The following RNF20 variants were observed in gnomAD, a reference collection of about 807,000 sequenced individuals.
RNF20 encodes E3 ubiquitin-protein ligase BRE1A.
Under a neutral mutation model 126.2 loss-of-function variants are expected in RNF20, and 84 were observed. That is an observed-to-expected ratio of 0.67 (90% CI 0.56 to 0.80). The LOEUF is 0.80. RNF20 is among the 30% of genes least tolerant of loss of function. RNF20 has a pLI of 0.00. For synonymous variants in RNF20, 400 were observed against 414.3 expected (o/e 0.97, Z 0.42); for missense variants, 869 against 1,188.2 (o/e 0.73, Z 3.95).
At chr9:101,550,866 ATC>A in intron 10 of RNF20, 81 bp downstream of exon 10, 1 of 1,205,284 alleles carries the variant, frequency 8.3e-7, no homozygotes, top group South Asian at 1.2e-5. Context: ...TGTGCAATTA[ATC>A]TCTCATTCAT....
Position 101,547,123 on chromosome 9 carries a change from T to C in RNF20, c.895-14T>C, listed in dbSNP as rs767225875. The C allele has an allele frequency of 2.5e-6, 4 of 1,613,272 alleles. No homozygotes were observed. The highest frequency in any genetic ancestry group is 2.2e-5 in the East Asian group (1 of 44,880). ...TAAGAGTCTCTCACTAAAGAATCTT[T>C]GTGTTCTCTGTAGGTGAATTCCAAA... On this transcript the variant is annotated splice_polypyrimidine_tract_variant and intron_variant, in intron 7 of 19. Transcript: ENST00000389120.
At position 101,561,081 on chromosome 9, in the gene RNF20, C is replaced by A. The variant is rs1163969936; in HGVS notation, c.2509-9C>A. On this transcript the variant is annotated splice_polypyrimidine_tract_variant and intron_variant, in intron 17 of 19. Transcript: ENST00000389120. ...ACAATGGTGTCACTTATTTGTACAT[C>A]CTACATAGGCAATGGAGGCAGCCCA... The A allele has an allele frequency of 6.2e-7, 1 of 1,612,956 alleles. No individual in the cohort carries two copies.
At chr9:101,551,874 A>G (rs1827452177) in intron 11 of RNF20, 55 bp downstream of exon 11, 1 of 1,544,730 alleles carries the variant, frequency 6.5e-7, no homozygotes. Flanking sequence ...TCCTTGAAAG[A>G]TACAACACAG....
At chr9:101,540,089 G>C (rs922383262) in intron 2 of RNF20, 114 bp from the exon 3 acceptor site, 12 of 1,020,522 alleles carry the variant, frequency 1.2e-5, no homozygotes, top group African/African-American at 1.6e-5. Flanking sequence ...TTTTTTAAAA[G>C]TCAATAGCTT....
intron 19 of RNF20, 67 bp from the exon 20 acceptor site, chr9:101,562,179 G>A (rs1827638163): frequency 1.3e-6 from 2 of 1,526,486 alleles, no homozygotes; most frequent in South Asian, 1.2e-5. Context: ...TGGTTGTGTA[G>A]TATATGAGAG....
At position 101,547,441 on chromosome 9, in the gene RNF20, G is replaced by A; in HGVS notation, c.1015G>A (p.Ala339Thr). 6.2e-7 allele frequency: 1 copy of A among 1,614,150 alleles called. No individual in the cohort carries two copies. Among genetic ancestry groups the A allele is most frequent in the Non-Finnish European group, 8.5e-7 (1 of 1,180,008 alleles). The change falls in exon 9 of 20, where the codon GCT (alanine) becomes ACT (threonine). Residue 339 changes from alanine (A) to threonine (T), a missense_variant. By Grantham distance (58) the Ala-to-Thr change is moderately conservative (BLOSUM62 0). Transcript: ENST00000389120. ...AGAGCTTGAGGAGAACAAAGAGTTG[G>A]CTCAGAACCGTCTCTGTGAGCTGGA... ...NAELEENKEL[A>T]QNRLCELEKL...
intron 9 of RNF20, among the ~76,000 whole-genome samples, 194 bp downstream of exon 9, chr9:101,547,712 C>A (rs1433020779): frequency 6.6e-6 from 1 of 152,146 alleles, no homozygotes; most frequent in Non-Finnish European, 1.5e-5. Flanking sequence ...CCATATAAAA[C>A]AAGCCCACAG....
chr9:101,537,466 G>A (rs1447647809), intron 2 of RNF20, among the ~76,000 whole-genome samples: 5 of 152,158 alleles, frequency 3.3e-5, no homozygotes, highest in Admixed American at 3.3e-4. Flanking sequence ...ACCTCTGAAT[G>A]GATAGGTAGT....
rs764053578 is a variant in RNF20 at position 101,561,141 on chromosome 9, G to T, written c.2560G>T (p.Ala854Ser). Residue 854 changes from alanine to serine, a missense_variant, in exon 18 of 20, where the codon GCT becomes TCT. Ala to Ser is a moderately conservative substitution (Grantham distance 99). Transcript: ENST00000389120. ...ADDLKAQLEL[A>S]QKKLHDFQDE... ...TGACCTCAAAGCACAACTGGAGTTGGCTCAGAAGAAGCTACATGATTTTCA... is the reference window on the plus strand; with the variant it reads ...TGACCTCAAAGCACAACTGGAGTTGTCTCAGAAGAAGCTACATGATTTTCA... The T allele has an allele frequency of 6.2e-7, 1 of 1,613,938 alleles. No individual in the cohort carries two copies. The highest frequency in any genetic ancestry group is 8.5e-7 in the Non-Finnish European group (1 of 1,179,840).
intron 13 of RNF20, 141 bp downstream of exon 13, chr9:101,552,894 T>C: frequency 1.1e-6 from 1 of 890,336 alleles, no homozygotes; most frequent in Non-Finnish European, 1.7e-6. Flanking sequence ...TCAAGTCGTG[T>C]TCAAGTGCAC....
rs201777306 is a variant in RNF20, at chr9:101,552,407, C to T, written c.1555C>T (p.Leu519Phe). The part of the protein sequence containing the change: ...NKTRLRSGSA[L>F]LQSQSSTEDP... ...GACACGCCTGCGTAGTGGTAGTGCC[C>T]TCCTGCAGTCCCAGTCTAGTACTGA... Residue 519 changes from leucine (L) to phenylalanine (F), a missense_variant, in exon 13 of 20, where the codon CTC (leucine) becomes TTC (phenylalanine). Around this residue, in one of 8 missense-constraint regions of RNF20, gnomAD observed 231 missense variants for 263.6 expected, o/e 0.88. Transcript: ENST00000389120. 2.8e-4 allele frequency: 451 copies of T among 1,605,314 alleles called. 2 individuals are homozygous for T. The highest frequency in any genetic ancestry group is 2.2e-4 in the Admixed American group (13 of 59,404).
intron 2 of RNF20, among the ~76,000 whole-genome samples, chr9:101,539,140 T>A (rs950008775): frequency 6.6e-6 from 1 of 152,212 alleles, no homozygotes; most frequent in Non-Finnish European, 1.5e-5. Flanking sequence ...TTTTGTATGA[T>A]GTAAAAGGGG....
intron 16 of RNF20, among the ~76,000 whole-genome samples, chr9:101,560,298 T>C (rs1010477716): frequency 6.6e-6 from 1 of 152,086 alleles, no homozygotes; most frequent in African/African-American, 2.4e-5. Flanking sequence ...GAAGGCAGTG[T>C]GAGAAACTGT....
At chr9:101,547,103 GTCTC>G in intron 7 of RNF20, 30 bp from the exon 8 acceptor site, 3 of 1,607,528 alleles carry the variant, frequency 1.9e-6, no homozygotes, top group Non-Finnish European at 2.6e-6. Flanking sequence ...AATCTTAAGA[GTCTC>G]TCACTAAAGA....
intron 5 of RNF20, among the ~76,000 whole-genome samples, chr9:101,543,103 T>C (rs1172362166): frequency 6.6e-6 from 1 of 152,226 alleles, no homozygotes; most frequent in Non-Finnish European, 1.5e-5. Context: ...CTTTTATATT[T>C]AGGGTAATTC....
intron 5 of RNF20, among the ~76,000 whole-genome samples, chr9:101,544,509 C>T (rs954212968): frequency 2.4e-4 from 36 of 152,078 alleles, no homozygotes; most frequent in Non-Finnish European, 3.7e-4. Flanking sequence ...AGTTTGAGAC[C>T]AGCCTGTCCG....
Position 101,560,809 on chromosome 9 carries a change from C to T in RNF20, c.2391C>T (p.Ala797=). The part of the protein sequence containing the change: ...QVLTLKTQVD[A]QLQVVRKLEE... ...TGATTTTCTGTTCAAAGGTTGATGCCCAGCTACAGGTAGTAAGGAAACTGG... is the reference window on the plus strand; with the variant it reads ...TGATTTTCTGTTCAAAGGTTGATGCTCAGCTACAGGTAGTAAGGAAACTGG... Residue 797 remains alanine, a synonymous_variant, in exon 17 of 20, where the codon GCC becomes GCT. Coordinates refer to ENST00000389120, the MANE Select transcript of RNF20 (RefSeq NM_019592.7). 1 of 1,607,244 alleles carries T rather than the reference C, an allele frequency of 6.2e-7. No homozygotes were observed. Among genetic ancestry groups the T allele is most frequent in the South Asian group, 1.1e-5 (1 of 89,538 alleles).
chr9:101,543,557 C>T (rs1276691978), intron 5 of RNF20, among the ~76,000 whole-genome samples: 1 of 150,240 alleles, frequency 6.7e-6, no homozygotes, highest in Non-Finnish European at 1.5e-5. Flanking sequence ...TCTAACCTGC[C>T]AGGGCGGCAC....
intron 15 of RNF20, among the ~76,000 whole-genome samples, chr9:101,555,476 A>G (rs115845978): frequency 2.3e-3 from 356 of 152,264 alleles, no homozygotes; most frequent in African/African-American, 8.1e-3. Flanking sequence ...TTAAAATTCA[A>G]TAATAAAGAT....
Sources: allele counts gnomAD v4.1 joint callset (sites outside exome capture counted in the v4.1 genomes callset), GRCh38; gene constraint gnomAD v4.1.1; regional missense constraint gnomAD v4.1.1; transcripts MANE v1.5; gene names NCBI Gene and HGNC (gene_info 2026-07-23, HGNC 2026-07-21).